Variants in UNC93B1 observed in about 807,000 individuals in gnomAD.
UNC93B1 encodes the protein unc-93B1 regulator of TLR signaling.
In UNC93B1, 33 loss-of-function variants were observed where a neutral mutation model predicts 56.8. The ratio of observed to expected loss-of-function variants is 0.58; its 90% CI spans 0.44 to 0.78. UNC93B1 has a LOEUF of 0.78. UNC93B1 is among the 30% of genes least tolerant of loss of function. The pLI, the probability that UNC93B1 is intolerant of heterozygous loss-of-function variation, is 0.00. For synonymous variants in UNC93B1, 334 were observed against 358.6 expected (o/e 0.93, Z 0.77); for missense variants, 673 against 819.5 (o/e 0.82, Z 2.18).
chr11:67,998,470 G>T lies in UNC93B1; in HGVS notation c.688-18C>A, dbSNP rs1171771552. 1 of 1,613,258 alleles carries T rather than the reference G, an allele frequency of 6.2e-7. No individual in the cohort carries two copies. The highest frequency in any genetic ancestry group is 8.5e-7 in the Non-Finnish European group (1 of 1,179,506). The stretch of plus-strand genomic sequence containing the variant: ...AAGCTCAGCTGCAGAAACAAGGGCA[G>T]TTGGGACCAGACTCAGGCACAGAGC... On this transcript the variant is annotated intron_variant, in intron 5 of 10. Coordinates refer to ENST00000227471, the MANE Select transcript of UNC93B1 (RefSeq NM_030930.4).
intron 7 of UNC93B1, 56 bp from the exon 8 acceptor site, chr11:67,996,840 C>A (rs979715376): frequency 6.8e-7 from 1 of 1,460,044 alleles, no homozygotes; most frequent in Non-Finnish European, 9.1e-7. Context: ...GGCCTCCAGG[C>A]TTCAGCCCCG....
At chr11:67,996,008 AG>A in intron 8 of UNC93B1, 124 bp from the exon 9 acceptor site, 1 of 796,726 alleles carries the variant, frequency 1.3e-6, no homozygotes, top group East Asian at 3.0e-5. Flanking sequence ...AGGGGGGAAG[AG>A]GGTCTGGCTC....
intron 8 of UNC93B1, 97 bp downstream of exon 8, chr11:67,996,501 CACTT>C: frequency 7.1e-7 from 1 of 1,417,706 alleles, no homozygotes; most frequent in Non-Finnish European, 9.4e-7. Flanking sequence ...TACATGTACA[CACTT>C]ACATATGTAA....
rs1308430306 is a variant in UNC93B1 at position 67,991,689 on chromosome 11, C to T, written c.1651G>A (p.Asp551Asn). 2.7e-5 allele frequency: 42 copies of T among 1,532,018 alleles called. No homozygotes were observed. The highest frequency in any genetic ancestry group is 2.3e-4 in the Middle Eastern group (1 of 4,370). The allele number at this position is 1,532,018 out of a possible 1,614,324, so 94.9% of individuals were successfully genotyped here. The change falls in exon 11 of 11, where the codon GAC (aspartate) becomes AAC (asparagine). Residue 551 changes from aspartate (D) to asparagine (N), a missense_variant. Coordinates refer to ENST00000227471, the MANE Select transcript of UNC93B1 (RefSeq NM_030930.4). ...CCGTCCCCATGCTCGCCCTCCGCGT[C>T]GCTCTCGTCCGAGTTGTCCTCCTCC... Reference protein sequence around the residue: ...YLEEDNSDESDAEGEHGDGAE... With the variant: ...YLEEDNSDESNAEGEHGDGAE...
At position 67,991,255 on chromosome 11, in the gene UNC93B1, ACCCTGACCGTGCTCCGGCGCT is replaced by A. The variant is rs1590756768; in HGVS notation, c.*270_*290del. The A allele has an allele frequency of 9.6e-5, 32 of 334,218 alleles. 1 individual carries two copies. The East Asian group carries it at 1.5e-3, about 16-fold the overall frequency. The allele number at this position is 334,218 out of a possible 1,614,324, so 20.7% of individuals were successfully genotyped here. A position where few individuals can be genotyped will look rare whatever the true frequency, so the allele number is the denominator to read the frequency against. On this transcript the variant is annotated 3_prime_UTR_variant, in exon 11 of 11. Transcript: ENST00000227471. ...CTGGAGCGGGCCGGGTCGCAAGAAGACCCTGACCGTGCTCCGGCGCTGGGGCGCGTGCTAAGGGCCCGCGGG... is the reference window on the plus strand; with the variant it reads ...CTGGAGCGGGCCGGGTCGCAAGAAGAGGGGCGCGTGCTAAGGGCCCGCGGG...
intron 7 of UNC93B1, among the ~76,000 whole-genome samples, chr11:67,997,273 C>A (rs576316767): frequency 6.6e-6 from 1 of 151,666 alleles, no homozygotes; most frequent in African/African-American, 2.4e-5. Flanking sequence ...AGCATGCCAA[C>A]GCCTTAGTTC....
chr11:67,996,205 G>A (rs938167944), intron 8 of UNC93B1, among the ~76,000 whole-genome samples: 1 of 151,800 alleles, frequency 6.6e-6, no homozygotes, highest in South Asian at 2.1e-4. Flanking sequence ...AGAGCCAGGT[G>A]GGGAGAAGGG....
In UNC93B1 at chr11:68,003,580, C is replaced by T; in HGVS notation, c.238+77G>A. 1 of 1,466,676 alleles carries T rather than the reference C, an allele frequency of 6.8e-7. No individual in the cohort carries two copies. The highest frequency in any genetic ancestry group is 9.0e-7 in the Non-Finnish European group (1 of 1,111,860). 90.9% of individuals were successfully genotyped at this position (1,466,676 alleles called of 1,614,324 possible). On this transcript the variant is annotated intron_variant, in intron 2 of 10. Transcript: ENST00000227471. This position sits in a 1 kb window ranked among gnomAD's most constrained non-coding sequence, Gnocchi z 4.4. ...AGGGGAAGTGAGAGCGGGCGGGAGG[C>T]GGCGGCCCGCGGTTTCTGTTTCCCG...
intron 9 of UNC93B1, among the ~76,000 whole-genome samples, chr11:67,994,599 G>A (rs1275963457): frequency 6.6e-6 from 1 of 152,148 alleles, no homozygotes; most frequent in Non-Finnish European, 1.5e-5. Flanking sequence ...ATGGAGCTGG[G>A]CAGAGGGGAT....
chr11:68,003,882 GC>G lies in UNC93B1; in HGVS notation c.96+65del. On this transcript the variant is annotated intron_variant, in intron 1 of 10. Coordinates refer to ENST00000227471, the MANE Select transcript of UNC93B1 (RefSeq NM_030930.4). This position sits in a 1 kb window ranked among gnomAD's most constrained non-coding sequence, Gnocchi z 4.4. ...TGCCCGCCGCCCCCCGGCCCGCCCCGCCCCCGCCGGGGGGACCCTGGCCCAC... is the reference window on the plus strand; with the variant it reads ...TGCCCGCCGCCCCCCGGCCCGCCCCGCCCCGCCGGGGGGACCCTGGCCCAC... The G allele has an allele frequency of 1.6e-6, 2 of 1,278,140 alleles. No homozygotes were observed. The highest frequency in any genetic ancestry group is 2.5e-5 in the South Asian group (1 of 40,468). The allele number at this position is 1,278,140 out of a possible 1,614,324, so 79.2% of individuals were successfully genotyped here.
chr11:67,993,891 G>A (rs548772760), intron 9 of UNC93B1, 97 bp from the exon 10 acceptor site: 18 of 856,480 alleles, frequency 2.1e-5, no homozygotes, highest in Non-Finnish European at 3.2e-5. Flanking sequence ...GCCCTGTATG[G>A]GTCCCAGCCC....
rs563951401 is a variant in UNC93B1 at position 67,993,021 on chromosome 11, T to C, written c.1482+655A>G. On this transcript the variant is annotated intron_variant, in intron 10 of 10. Transcript: ENST00000227471. Reference sequence around the variant, plus strand: ...TTATTTTGAGACGGAGTTTCGCTCTTGTTGCTTAGGCTGGATGGAGTGCCA... The same window carrying C: ...TTATTTTGAGACGGAGTTTCGCTCTCGTTGCTTAGGCTGGATGGAGTGCCA... Among the ~76,000 whole-genome samples the C allele has an allele frequency of 1.9e-4, 29 of 152,116 alleles. 2 individuals carry two copies. The East Asian group carries it at 5.4e-3, about 28-fold the overall frequency.
At chr11:68,002,447 A>G (rs1352019920) in intron 3 of UNC93B1, among the ~76,000 whole-genome samples, 1 of 152,126 alleles carries the variant, frequency 6.6e-6, no homozygotes, top group Non-Finnish European at 1.5e-5. Context: ...TGTTTTAAAG[A>G]TGAGGGAGCT....
At chr11:68,000,278 T>C (rs1249945994) in intron 3 of UNC93B1, among the ~76,000 whole-genome samples, 1 of 152,212 alleles carries the variant, frequency 6.6e-6, no homozygotes, top group Non-Finnish European at 1.5e-5. Context: ...CAAAAACCAC[T>C]ACTGGTATCT....
chr11:67,994,786 G>A (rs940861598), intron 9 of UNC93B1, among the ~76,000 whole-genome samples: 3 of 152,212 alleles, frequency 2.0e-5, no homozygotes, highest in Non-Finnish European at 2.9e-5. Flanking sequence ...GCATGACCTC[G>A]GCTACTCCAC....
chr11:68,003,747 GCTCCTC>G lies in UNC93B1; in HGVS notation c.142_147del (p.Glu48_Glu49del). ...AGGCGCTTGCGGCGGTAGTAGCGGCGCTCCTCCTCCTCCTCGTTGTAGTTGGGGTAC... is the reference window on the plus strand; with the variant it reads ...AGGCGCTTGCGGCGGTAGTAGCGGCGCTCCTCCTCGTTGTAGTTGGGGTAC... On this transcript the variant is annotated inframe_deletion, in exon 2 of 11. Coordinates refer to ENST00000227471, the MANE Select transcript of UNC93B1 (RefSeq NM_030930.4). This position sits in a 1 kb window ranked among gnomAD's most constrained non-coding sequence, Gnocchi z 4.4. 2 of 1,524,392 alleles carry G rather than the reference GCTCCTC, an allele frequency of 1.3e-6. No individual in the cohort carries two copies. Among genetic ancestry groups the G allele is most frequent in the Non-Finnish European group, 1.8e-6 (2 of 1,142,030 alleles). The allele number at this position is 1,524,392 out of a possible 1,614,324, so 94.4% of individuals were successfully genotyped here. A position where few individuals can be genotyped will look rare whatever the true frequency, so the allele number is the denominator to read the frequency against.
intron 3 of UNC93B1, among the ~76,000 whole-genome samples, chr11:68,001,833 G>A (rs1236047129): frequency 1.3e-5 from 2 of 152,148 alleles, no homozygotes; most frequent in Non-Finnish European, 1.5e-5. Flanking sequence ...AGTAGGCTAA[G>A]ATATGCTCAG....
Position 68,003,919 on chromosome 11 carries a change from C to G in UNC93B1, c.96+29G>C, listed in dbSNP as rs1857091668. 1 of 1,359,270 alleles carries G rather than the reference C, an allele frequency of 7.4e-7. No individual in the cohort carries two copies. Among genetic ancestry groups the G allele is most frequent in the East Asian group, 3.3e-5 (1 of 30,702 alleles). 84.2% of individuals were successfully genotyped at this position (1,359,270 alleles called of 1,614,324 possible). Reference sequence around the variant, plus strand: ...GGGACCCTGGCCCACAGGGGACGCCCGCGCCTCGCACTCCGGGTCCCCGCT... The same window carrying G: ...GGGACCCTGGCCCACAGGGGACGCCGGCGCCTCGCACTCCGGGTCCCCGCT... On this transcript the variant is annotated intron_variant, in intron 1 of 10. Transcript: ENST00000227471. The surrounding 1 kb of genome is among the most constrained non-coding windows in gnomAD (Gnocchi z 4.4).
Position 68,003,232 on chromosome 11 carries a change from A to G in UNC93B1, c.239-57T>C. 1 of 1,516,392 alleles carries G rather than the reference A, an allele frequency of 6.6e-7. No individual in the cohort carries two copies. 93.9% of individuals were successfully genotyped at this position (1,516,392 alleles called of 1,614,324 possible). ...AGCAGCCTAGCTTTGGGCGCCACCGAGCAGAAGACGGCATGCAGGCCTCGC... is the reference window on the plus strand; with the variant it reads ...AGCAGCCTAGCTTTGGGCGCCACCGGGCAGAAGACGGCATGCAGGCCTCGC... On this transcript the variant is annotated intron_variant, in intron 2 of 10. Coordinates refer to ENST00000227471, the MANE Select transcript of UNC93B1 (RefSeq NM_030930.4). The surrounding 1 kb of genome is among the most constrained non-coding windows in gnomAD (Gnocchi z 4.4).
Sources: allele counts gnomAD v4.1 joint callset (sites outside exome capture counted in the v4.1 genomes callset), GRCh38; gene constraint gnomAD v4.1.1; non-coding constraint Gnocchi (gnomAD v3.1); transcripts MANE v1.5; gene names NCBI Gene and HGNC (gene_info 2026-07-23, HGNC 2026-07-21).